Variants in DAB1 observed in about 807,000 individuals in gnomAD.
DAB1 encodes DAB adaptor protein 1.
DAB1 carries 15 observed loss-of-function variants against 64.6 expected under a neutral mutation model. The ratio of observed to expected loss-of-function variants is 0.23; its 90% CI spans 0.16 to 0.36. The LOEUF (loss-of-function observed/expected upper bound fraction) is 0.36, where lower values mean the gene tolerates loss of function less well. Ranked by LOEUF, DAB1 falls within the 10% of genes least tolerant of loss-of-function variation. The probability of loss-of-function intolerance (pLI) is 1.00; values close to 1 mark genes in which losing one functional copy is unlikely to be tolerated. For missense variants in DAB1, 596 were observed against 706.7 expected (o/e 0.84, Z 1.78); for synonymous variants, 235 against 251.9 (o/e 0.93, Z 0.64).
intron 4 of DAB1, among the ~76,000 whole-genome samples, chr1:58,198,278 C>G (rs180816310): frequency 2.6e-5 from 4 of 152,298 alleles, no homozygotes; most frequent in Admixed American, 1.3e-4. Context: ...TATTGTGCAG[C>G]CCTGGAAATA....
chr1:57,648,534 T>C (rs1436243626), intron 7 of DAB1, among the ~76,000 whole-genome samples: 1 of 152,154 alleles, frequency 6.6e-6, no homozygotes, highest in African/African-American at 2.4e-5. Context: ...CTCAGAGTAA[T>C]TAATTTCCTC....
chr1:57,658,945 A>C (rs1011920559), intron 6 of DAB1, among the ~76,000 whole-genome samples: 2 of 152,040 alleles, frequency 1.3e-5, no homozygotes, highest in African/African-American at 4.8e-5. Context: ...AGTTTTCCCC[A>C]TTCTCTGGAA....
chr1:57,833,065 GAAAAA>G (rs3082004), intron 1 of DAB1, among the ~76,000 whole-genome samples: 1 of 145,090 alleles, frequency 6.9e-6, no homozygotes, highest in African/African-American at 2.6e-5. Flanking sequence ...GACTGAGACT[GAAAAA>G]AAAAAAAAAA....
In DAB1 at chr1:57,342,148, C is replaced by T. The variant is rs186531500; in HGVS notation, c.-136-50982G>A. ...GAAGTTCTCAAAATGAACCTTGTTC[C>T]TTCTCACCTTTTTGCCTTTGTGGGA... On this transcript the variant is annotated intron_variant, in intron 1 of 14. Transcript: ENST00000371236. Among the ~76,000 whole-genome samples, 378 of 152,326 alleles carry T rather than the reference C, an allele frequency of 2.5e-3. 3 individuals carry two copies. Among genetic ancestry groups the T allele is most frequent in the Admixed American group, 3.5e-3 (53 of 15,304 alleles).
At chr1:58,122,677 C>T (rs1363507653) in intron 5 of DAB1, among the ~76,000 whole-genome samples, 1 of 152,032 alleles carries the variant, frequency 6.6e-6, no homozygotes, top group Non-Finnish European at 1.5e-5. Context: ...AAGAATTGGC[C>T]CCATCACTTC....
chr1:57,616,124 C>T (rs868366427), intron 7 of DAB1, among the ~76,000 whole-genome samples: 6 of 152,152 alleles, frequency 3.9e-5, no homozygotes, highest in Admixed American at 1.3e-4. Context: ...TTTGCTCACT[C>T]ACCACTTCCT....
intron 2 of DAB1, among the ~76,000 whole-genome samples, chr1:57,207,314 G>A (rs1443752008): frequency 6.6e-6 from 1 of 151,600 alleles, no homozygotes. Flanking sequence ...TCCAGATATC[G>A]TGAAAATGTA....
Position 57,894,410 on chromosome 1 carries a change from A to G in DAB1, n.388-10248T>C, listed in dbSNP as rs1420828241. ...TCATTTTAGGTAGGGAAGTTGGTGG[A>G]GGCCTCTTTAAGGAAGTGACATCTT... is the stretch of plus-strand genomic sequence containing the variant. On this transcript the variant is annotated intron_variant and non_coding_transcript_variant, in intron 5 of 20. Coordinates refer to the DAB1 transcript ENST00000485760. Among the ~76,000 whole-genome samples, 4 of 152,162 alleles carry G rather than the reference A, an allele frequency of 2.6e-5. No homozygotes were observed. The South Asian group carries it at 8.3e-4, about 32-fold the overall frequency.
At position 58,356,342 on chromosome 1, in the gene DAB1, A is replaced by C. The variant is rs149389669; in HGVS notation, n.258-12939T>G. Reference sequence around the variant, plus strand: ...CTAGAACACTATAGCTGGTACAAGCAGGGAAGACCTGCTCACAAGACATTT... The same window carrying C: ...CTAGAACACTATAGCTGGTACAAGCCGGGAAGACCTGCTCACAAGACATTT... On this transcript the variant is annotated intron_variant and non_coding_transcript_variant, in intron 3 of 20. Transcript: ENST00000485760. 4.7e-3 allele frequency among the ~76,000 whole-genome samples: 712 copies of C among 152,302 alleles called. 1 individual carries two copies. Among genetic ancestry groups the C allele is most frequent in the African/African-American group, 0.017 (688 of 41,558 alleles).
rs34741914 is a variant in DAB1, at chr1:57,314,769, A to AAC, written c.-136-23605_-136-23604dup. On this transcript the variant is annotated intron_variant, in intron 1 of 14. Transcript: ENST00000371236. Reference sequence around the variant, plus strand: ...ATTGTCTCAGAAAAAAAAAACACAAAACACACACACACACACAAAGAAAGG... The same window carrying AAC: ...ATTGTCTCAGAAAAAAAAAACACAAAACACACACACACACACACAAAGAAAGG... Among the ~76,000 whole-genome samples the AAC allele has an allele frequency of 6.7e-3, 1,011 of 150,782 alleles. 13 individuals are homozygous for AAC. Among genetic ancestry groups the AAC allele is most frequent in the African/African-American group, 0.021 (879 of 41,160 alleles).
At chr1:58,293,945 C>T (rs1042853112) in intron 4 of DAB1, among the ~76,000 whole-genome samples, 2 of 152,216 alleles carry the variant, frequency 1.3e-5, no homozygotes, top group Non-Finnish European at 2.9e-5. Flanking sequence ...GTTATTTGGA[C>T]TCTGACAGCA....
chr1:57,431,866 A>C (rs556009421), intron 7 of DAB1, among the ~76,000 whole-genome samples: 1 of 152,268 alleles, frequency 6.6e-6, no homozygotes, highest in Non-Finnish European at 1.5e-5. Context: ...GCTCATGCCT[A>C]TAATCCCAGC....
chr1:57,221,547 A>G (rs1399893247), intron 2 of DAB1, among the ~76,000 whole-genome samples: 4 of 152,066 alleles, frequency 2.6e-5, no homozygotes, highest in African/African-American at 9.7e-5. Flanking sequence ...CAAAACTATG[A>G]TACTCTGGAA....
At chr1:57,622,374 T>C (rs1202965267) in intron 7 of DAB1, among the ~76,000 whole-genome samples, 1 of 152,182 alleles carries the variant, frequency 6.6e-6, no homozygotes, top group African/African-American at 2.4e-5. Flanking sequence ...TGGACATAGA[T>C]ATGGGTTTGA....
At chr1:57,791,069 T>G (rs1023924011) in intron 6 of DAB1, among the ~76,000 whole-genome samples, 2 of 152,206 alleles carry the variant, frequency 1.3e-5, no homozygotes, top group Non-Finnish European at 2.9e-5. Flanking sequence ...CACATTGGCT[T>G]CATTATGTGT....
intron 6 of DAB1, among the ~76,000 whole-genome samples, chr1:57,782,793 G>A (rs781114776): frequency 6.6e-6 from 1 of 152,124 alleles, no homozygotes; most frequent in Non-Finnish European, 1.5e-5. Flanking sequence ...CTTTCTGAAT[G>A]ACGGTGATAA....
chr1:57,847,887 C>T (rs1205915603), intron 1 of DAB1, among the ~76,000 whole-genome samples: 1 of 152,058 alleles, frequency 6.6e-6, no homozygotes, highest in African/African-American at 2.4e-5. Context: ...ATGCTCCAGG[C>T]ATTGTTCTAA....
chr1:57,682,678 C>T (rs1392903965), intron 6 of DAB1, among the ~76,000 whole-genome samples: 2 of 152,064 alleles, frequency 1.3e-5, no homozygotes, highest in Non-Finnish European at 2.9e-5. Context: ...TGGCAAGGGG[C>T]TTTGCCCAGG....
chr1:57,415,906 A>G (rs752244544), intron 1 of DAB1, among the ~76,000 whole-genome samples: 1 of 152,156 alleles, frequency 6.6e-6, no homozygotes, highest in Non-Finnish European at 1.5e-5. Flanking sequence ...TTGTTCTGCT[A>G]ACTGCTGGGA....
Sources: gnomAD v4.1 joint callset for allele counts (sites outside exome capture counted in the v4.1 genomes callset) on GRCh38, gnomAD v4.1.1 for gene constraint, MANE v1.5 for transcripts, NCBI Gene and HGNC (gene_info 2026-07-23, HGNC 2026-07-21) for gene names.